The following SOHLH2 variants were observed in gnomAD, a reference collection of about 807,000 sequenced individuals.
SOHLH2 encodes spermatogenesis- and oogenesis-specific basic helix-loop-helix-containing protein 2.
SOHLH2 carries 22 observed loss-of-function variants against 50.4 expected under a neutral mutation model. The observed-to-expected ratio is 0.44, with a 90% confidence interval of 0.31 to 0.62. The LOEUF is 0.62. SOHLH2 is among the 20% of genes least tolerant of loss of function. SOHLH2 has a pLI of 0.08. For missense variants in SOHLH2, 412 were observed against 504.4 expected, an observed-to-expected ratio of 0.82 and a Z score of 1.76; for synonymous variants, 185 against 187.3, an observed-to-expected ratio of 0.99 and a Z score of 0.10.
At chr13:36,187,967 A>G (rs2138292147) in intron 6 of SOHLH2, among the ~76,000 whole-genome samples, 1 of 152,256 alleles carries the variant, frequency 6.6e-6, no homozygotes, top group Non-Finnish European at 1.5e-5. Flanking sequence ...CCAGGCCTGA[A>G]GAGACTGGCA....
intron 6 of SOHLH2, among the ~76,000 whole-genome samples, chr13:36,187,246 T>TG (rs1262816035): frequency 2.0e-5 from 3 of 152,166 alleles, no homozygotes; most frequent in African/African-American, 7.2e-5. Context: ...CACGTAACTT[T>TG]GGGGGACCAA....
chr13:36,209,870 G>C (rs532841312), intron 1 of SOHLH2, among the ~76,000 whole-genome samples: 1 of 152,276 alleles, frequency 6.6e-6, no homozygotes, highest in South Asian at 2.1e-4. Context: ...CTCAGTGGGG[G>C]CCTCCTTTAA....
In SOHLH2 at chr13:36,174,495, C is replaced by T; in HGVS notation, c.862G>A (p.Gly288Ser). The T allele has an allele frequency of 2.5e-6, 4 of 1,614,136 alleles. No individual in the cohort carries two copies. The highest frequency in any genetic ancestry group is 3.4e-6 in the Non-Finnish European group (4 of 1,180,032). ...TCATACCGCTGTGCCATGACAGTGC[C>T]TGGGAGAGACAGCTCAATGGGTGTT... ...QQTPIELSLP[G>S]TVMAQRENSV... Residue 288 changes from glycine to serine, a missense_variant, in exon 8 of 11, where the codon GGC (glycine) becomes AGC (serine). Physicochemically the swap from Gly to Ser is moderately conservative, Grantham distance 56. Transcript: ENST00000379881.
chr13:36,183,933 G>A (rs1439877188), intron 6 of SOHLH2, among the ~76,000 whole-genome samples: 2 of 152,114 alleles, frequency 1.3e-5, no homozygotes, highest in Non-Finnish European at 2.9e-5. Context: ...GGGAAAAAGA[G>A]TTGTCACTGA....
At chr13:36,174,892 T>G (rs1360837915) in intron 6 of SOHLH2, 23 bp from the exon 7 acceptor site, 1 of 1,551,256 alleles carries the variant, frequency 6.4e-7, no homozygotes, top group Admixed American at 2.1e-5. Flanking sequence ...TTGCAATACA[T>G]AAAGAATAAT....
rs765248768 is a variant in SOHLH2 at position 36,170,629 on chromosome 13, T to A, written c.1159A>T (p.Ile387Phe). 1 of 1,614,140 alleles carries A rather than the reference T, an allele frequency of 6.2e-7. No homozygotes were observed. The highest frequency in any genetic ancestry group is 8.5e-7 in the Non-Finnish European group (1 of 1,180,008). The change falls in exon 10 of 11, where the codon ATT becomes TTT. Residue 387 changes from isoleucine (I) to phenylalanine (F), a missense_variant. Ile to Phe is a conservative substitution (Grantham distance 21). Coordinates refer to ENST00000379881, the MANE Select transcript of SOHLH2 (RefSeq NM_017826.3). The part of the protein sequence containing the change: ...ATAVTNQNIS[I>F]HLPSAMPPVS... Reference sequence around the variant, plus strand: ...GGGGGCATGGCTGAAGGTAAATGAATTGAAATGTTCTGATTTGTTACAGCA... The same window carrying A: ...GGGGGCATGGCTGAAGGTAAATGAAATGAAATGTTCTGATTTGTTACAGCA...
At chr13:36,188,810 G>A (rs1460839450) in intron 6 of SOHLH2, among the ~76,000 whole-genome samples, 1 of 151,912 alleles carries the variant, frequency 6.6e-6, no homozygotes, top group East Asian at 1.9e-4. Flanking sequence ...CCTTCTCTAC[G>A]TGCTTCCCAC....
intron 6 of SOHLH2, among the ~76,000 whole-genome samples, chr13:36,179,309 T>C (rs1416328247): frequency 1.3e-5 from 2 of 152,236 alleles, no homozygotes; most frequent in African/African-American, 4.8e-5. Context: ...AGATATTTGT[T>C]TTTTAATGAT....
At chr13:36,195,426 A>G (rs1887697164) in intron 2 of SOHLH2, among the ~76,000 whole-genome samples, 1 of 152,178 alleles carries the variant, frequency 6.6e-6, no homozygotes, top group African/African-American at 2.4e-5. Context: ...CATCTGAGGA[A>G]GAAAAGCATA....
intron 1 of SOHLH2, among the ~76,000 whole-genome samples, chr13:36,213,394 C>T (rs1384432304): frequency 6.6e-6 from 1 of 152,156 alleles, no homozygotes; most frequent in African/African-American, 2.4e-5. Flanking sequence ...AATTCCATTT[C>T]AGAAAGCTTG....
intron 6 of SOHLH2, among the ~76,000 whole-genome samples, chr13:36,187,955 G>A (rs560424526): frequency 9.5e-4 from 144 of 152,230 alleles, no homozygotes; most frequent in African/African-American, 3.4e-3. Context: ...AGTGGCCTGG[G>A]CCCAGGCCTG....
chr13:36,198,421 T>A (rs984993266), intron 2 of SOHLH2, among the ~76,000 whole-genome samples: 5 of 152,188 alleles, frequency 3.3e-5, no homozygotes, highest in Admixed American at 2.0e-4. Context: ...GAGTGAAATA[T>A]CCCTGGAATT....
chr13:36,174,456 C>T lies in SOHLH2; in HGVS notation c.881+20G>A, dbSNP rs549990746. ...GAAAATAACTAGCAGACTTCAGATT[C>T]GCAAAAGCCCTTATCATACCGCTGT... is the stretch of plus-strand genomic sequence containing the variant. On this transcript the variant is annotated intron_variant, in intron 8 of 10. Transcript: ENST00000379881. 2.4e-5 allele frequency: 39 copies of T among 1,608,882 alleles called. 2 individuals are homozygous for T. In the South Asian group the frequency reaches 2.6e-4, roughly 11 times the overall value.
In SOHLH2 at chr13:36,174,835, T is replaced by A. The variant is rs1417402347; in HGVS notation, c.676A>T (p.Thr226Ser). 1 of 1,598,100 alleles carries A rather than the reference T, an allele frequency of 6.3e-7. No homozygotes were observed. The highest frequency in any genetic ancestry group is 1.8e-5 in the Admixed American group (1 of 55,324). ...CTCCCTTTTACATACGGCAAGAGAG[T>A]ACGCAGCTGCTCACAGCAATATTTG... Reference protein sequence around the residue: ...RIKYCCEQLRTLLPYVKGRKN... With the variant: ...RIKYCCEQLRSLLPYVKGRKN... The change falls in exon 7 of 11, where the codon ACT becomes TCT. Residue 226 changes from threonine to serine, a missense_variant. Thr to Ser is a moderately conservative substitution (Grantham distance 58). Transcript: ENST00000379881.
chr13:36,191,265 C>A (rs1887564463), intron 5 of SOHLH2, among the ~76,000 whole-genome samples: 1 of 152,170 alleles, frequency 6.6e-6, no homozygotes, highest in Admixed American at 6.5e-5. Flanking sequence ...CTAAAACTTG[C>A]CTTGTATACC....
chr13:36,174,756 A>G lies in SOHLH2; in HGVS notation c.755T>C (p.Ile252Thr), dbSNP rs756450913. The change falls in exon 7 of 11, where the codon ATC becomes ACC. Residue 252 changes from isoleucine (I) to threonine (T), a missense_variant. Physicochemically the swap from Ile to Thr is moderately conservative, Grantham distance 89. Coordinates refer to ENST00000379881, the MANE Select transcript of SOHLH2 (RefSeq NM_017826.3). ...LEATVDYVKYIREKISPAVMA... is the reference protein window; with the variant it reads ...LEATVDYVKYTREKISPAVMA... ...AACGGCTGGAGAGATTTTCTCCCGG[A>G]TATATTTCACATAATCAACTGTTGC... is the stretch of plus-strand genomic sequence containing the variant. 1 of 1,609,888 alleles carries G rather than the reference A, an allele frequency of 6.2e-7. No homozygotes were observed. The highest frequency in any genetic ancestry group is 1.1e-5 in the South Asian group (1 of 89,936).
chr13:36,185,601 A>G (rs1487806028), intron 6 of SOHLH2, among the ~76,000 whole-genome samples: 1 of 152,190 alleles, frequency 6.6e-6, no homozygotes. Context: ...AAAAAAATCG[A>G]TAAAACTGAC....
intron 6 of SOHLH2, among the ~76,000 whole-genome samples, chr13:36,184,649 AG>A (rs1391289010): frequency 6.6e-6 from 1 of 151,866 alleles, no homozygotes; most frequent in Non-Finnish European, 1.5e-5. Flanking sequence ...TAGTAGAGAC[AG>A]GGTTTCACCG....
At chr13:36,203,428 TCTTC>T (rs1868548320) in intron 1 of SOHLH2, among the ~76,000 whole-genome samples, 1 of 152,244 alleles carries the variant, frequency 6.6e-6, no homozygotes, top group African/African-American at 2.4e-5. Flanking sequence ...CTTGATCCAG[TCTTC>T]CTTATTTTCG....
Sources: allele counts gnomAD v4.1 joint callset (sites outside exome capture counted in the v4.1 genomes callset), GRCh38; gene constraint gnomAD v4.1.1; transcripts MANE v1.5; gene names NCBI Gene and HGNC (gene_info 2026-07-23, HGNC 2026-07-21).